Variants in THADA observed in about 807,000 individuals in gnomAD.
THADA encodes the protein THADA armadillo repeat containing.
In THADA, 213 loss-of-function variants were observed where a neutral mutation model predicts 219.8. That is an observed-to-expected ratio of 0.97 (90% CI 0.87 to 1.09). The LOEUF is 1.09. Ranked by LOEUF, THADA falls within the 50% of genes least tolerant of loss-of-function variation. The probability of loss-of-function intolerance (pLI) is 0.00; values close to 1 mark genes in which losing one functional copy is unlikely to be tolerated. For missense variants in THADA, 2,956 were observed against 2,311.3 expected, an observed-to-expected ratio of 1.28 and a Z score of -5.72; for synonymous variants, 1,018 against 828.9, an observed-to-expected ratio of 1.23 and a Z score of -3.92.
At chr2:43,470,857 A>G (rs1240924816) in intron 26 of THADA, among the ~76,000 whole-genome samples, 1 of 152,198 alleles carries the variant, frequency 6.6e-6, no homozygotes, top group Non-Finnish European at 1.5e-5. Flanking sequence ...TAACCTGTAA[A>G]ATCAGCAGTG....
chr2:43,468,170 G>A (rs1241196027), intron 26 of THADA, among the ~76,000 whole-genome samples: 3 of 152,136 alleles, frequency 2.0e-5, no homozygotes, highest in Non-Finnish European at 4.4e-5. Context: ...CCAGTCACAC[G>A]GTGACTAAAC....
chr2:43,320,453 G>A lies in THADA; in HGVS notation c.4431C>T (p.Asn1477=). 6.2e-7 allele frequency: 1 copy of A among 1,611,360 alleles called. No individual in the cohort carries two copies. ...TATAACTATGAATCATACCTGGCTGGTTGTCCTTTGCAGATCTGTTGAGGC... is the reference window on the plus strand; with the variant it reads ...TATAACTATGAATCATACCTGGCTGATTGTCCTTTGCAGATCTGTTGAGGC... ...TCCLNRSAKD[N]QPVLESLGFW... is the part of the protein sequence containing the mutation. The change falls in exon 31 of 38, where the codon AAC becomes AAT. Residue 1477 remains asparagine (N), a synonymous_variant. Coordinates refer to ENST00000405975, the MANE Select transcript of THADA (RefSeq NM_022065.5).
intron 13 of THADA, among the ~76,000 whole-genome samples, 174 bp from the exon 14 acceptor site, chr2:43,570,684 A>T (rs950777743): frequency 6.6e-6 from 1 of 152,208 alleles, no homozygotes; most frequent in Non-Finnish European, 1.5e-5. Context: ...CCAAAAACAA[A>T]CTATTACTGC....
At chr2:43,589,860 T>TA (rs561510926) in intron 4 of THADA, among the ~76,000 whole-genome samples, 3,835 of 146,962 alleles carry the variant, frequency 0.026, 104 homozygotes, top group South Asian at 0.084. Context: ...AAAGAATTCA[T>TA]AAAAAAAAAA....
At chr2:43,348,065 A>G (rs1667842956) in intron 29 of THADA, among the ~76,000 whole-genome samples, 1 of 152,240 alleles carries the variant, frequency 6.6e-6, no homozygotes, top group Admixed American at 6.5e-5. Context: ...CCAGCGGCTC[A>G]AAACCAATAG....
rs1053447562 is a variant in THADA at position 43,231,459 on chromosome 2, G to A, written c.5467-116C>T. The A allele has an allele frequency of 4.6e-6, 5 of 1,088,608 alleles. No individual in the cohort carries two copies. In the African/African-American group the frequency reaches 6.3e-5, roughly 14 times the overall value. 67.4% of individuals were successfully genotyped at this position (1,088,608 alleles called of 1,614,324 possible). ...GGGGTTTCCCTTCCCCCACCTGACA[G>A]AGGGTGCACTCTTGCCTGTCAACAT... is the stretch of plus-strand genomic sequence containing the variant. On this transcript the variant is annotated intron_variant, in intron 37 of 37. Transcript: ENST00000405975.
chr2:43,434,586 G>A (rs1008369247), intron 26 of THADA, among the ~76,000 whole-genome samples: 1 of 152,194 alleles, frequency 6.6e-6, no homozygotes, highest in Non-Finnish European at 1.5e-5. Flanking sequence ...TACACCAACA[G>A]GCACCAGCAG....
chr2:43,475,401 C>T (rs1223060131), intron 26 of THADA, among the ~76,000 whole-genome samples: 5 of 124,984 alleles, frequency 4.0e-5, no homozygotes, highest in South Asian at 2.7e-4. Context: ...CCAGCCTGGG[C>T]GACAGAGCTA....
chr2:43,576,202 G>A (rs568613097), intron 10 of THADA, among the ~76,000 whole-genome samples: 1 of 152,270 alleles, frequency 6.6e-6, no homozygotes, highest in East Asian at 1.9e-4. Flanking sequence ...TCAAATTTAT[G>A]AATTGCATAA....
At chr2:43,491,524 A>T (rs1687637499) in intron 25 of THADA, among the ~76,000 whole-genome samples, 1 of 152,180 alleles carries the variant, frequency 6.6e-6, no homozygotes, top group Non-Finnish European at 1.5e-5. Flanking sequence ...GTCCCATACG[A>T]TTATAATATT....
At chr2:43,349,347 G>A (rs930225208) in intron 29 of THADA, among the ~76,000 whole-genome samples, 1 of 152,164 alleles carries the variant, frequency 6.6e-6, no homozygotes, top group Non-Finnish European at 1.5e-5. Flanking sequence ...GGAGCCCCAG[G>A]CATCTGTGCA....
At chr2:43,395,621 C>G (rs1673934149) in intron 29 of THADA, among the ~76,000 whole-genome samples, 1 of 152,214 alleles carries the variant, frequency 6.6e-6, no homozygotes, top group African/African-American at 2.4e-5. Flanking sequence ...ATAGTTTCCT[C>G]TTTTACTCTC....
intron 10 of THADA, 107 bp downstream of exon 10, chr2:43,576,915 G>A (rs1338402504): frequency 1.7e-5 from 16 of 957,068 alleles, no homozygotes; most frequent in Non-Finnish European, 2.1e-5. Flanking sequence ...TCAGCCTACT[G>A]GGAGGGTAGC....
intron 7 of THADA, among the ~76,000 whole-genome samples, chr2:43,582,775 G>A (rs905697296): frequency 1.3e-5 from 2 of 151,654 alleles, no homozygotes; most frequent in Non-Finnish European, 2.9e-5. Context: ...CACCATGTTG[G>A]CCAGGCTGGT....
chr2:43,588,851 T>C (rs1216587274), intron 4 of THADA, among the ~76,000 whole-genome samples: 1 of 152,084 alleles, frequency 6.6e-6, no homozygotes, highest in Non-Finnish European at 1.5e-5. Context: ...CATATATAAT[T>C]ATATACATAA....
intron 31 of THADA, among the ~76,000 whole-genome samples, chr2:43,307,861 A>C (rs1677042018): frequency 1.3e-5 from 2 of 152,230 alleles, no homozygotes; most frequent in South Asian, 4.1e-4. Context: ...AAAAATTTAA[A>C]AATATCCTAA....
intron 36 of THADA, among the ~76,000 whole-genome samples, chr2:43,279,511 C>T (rs1322989240): frequency 3.3e-5 from 5 of 152,348 alleles, no homozygotes; most frequent in Middle Eastern, 3.4e-3. Context: ...GGATGTCCTA[C>T]AGCAGGGGTC....
In THADA at chr2:43,574,586, A is replaced by C. The variant is rs376887948; in HGVS notation, c.1479T>G (p.Tyr493Ter). 5 of 1,613,988 alleles carry C rather than the reference A, an allele frequency of 3.1e-6. No homozygotes were observed. Among genetic ancestry groups the C allele is most frequent in the Non-Finnish European group, 4.2e-6 (5 of 1,179,888 alleles). Residue 493 changes from tyrosine (Y) to a stop codon, truncating the protein, a stop_gained, in exon 11 of 38, where the codon TAT (tyrosine) becomes TAG (stop). Coordinates refer to ENST00000405975, the MANE Select transcript of THADA (RefSeq NM_022065.5). LOFTEE classifies it high-confidence loss of function. ...ACATGGTTTCCAAGAGGTCACTTGC[A>C]TAAGGTACCAATGACTGGTCTCCCA... is the stretch of plus-strand genomic sequence containing the variant. The part of the protein sequence containing the change: ...EVMGDQSLVP[Y>*]ASDLLETMFR...
intron 30 of THADA, among the ~76,000 whole-genome samples, chr2:43,334,777 A>G (rs1666210503): frequency 6.6e-6 from 1 of 151,960 alleles, no homozygotes; most frequent in Admixed American, 6.5e-5. Context: ...TCCGTCTCAA[A>G]ACAAAAAAAA....
Sources: allele counts gnomAD v4.1 joint callset (sites outside exome capture counted in the v4.1 genomes callset), GRCh38; gene constraint gnomAD v4.1.1; transcripts MANE v1.5; gene names NCBI Gene and HGNC (gene_info 2026-07-23, HGNC 2026-07-21).